PLXDC2: variants seen among roughly 807,000 people sequenced by gnomAD.
PLXDC2 encodes the protein plexin domain containing 2, also known as plexin domain-containing protein 2.
PLXDC2 carries 40 observed loss-of-function variants against 68.9 expected under a neutral mutation model. That is an observed-to-expected ratio of 0.58 (90% CI 0.45 to 0.76). The LOEUF (loss-of-function observed/expected upper bound fraction) is 0.76. PLXDC2 is among the 30% of genes least tolerant of loss of function. The pLI, the probability that PLXDC2 is intolerant of heterozygous loss-of-function variation, is 0.00. For missense variants in PLXDC2, 644 were observed against 661.9 expected (o/e 0.97, Z 0.30); for synonymous variants, 243 against 234.2 (o/e 1.04, Z -0.34).
intron 1 of PLXDC2, among the ~76,000 whole-genome samples, chr10:19,858,757 C>G (rs1837263698): frequency 6.6e-6 from 1 of 152,020 alleles, no homozygotes; most frequent in African/African-American, 2.4e-5. Context: ...TAAAAGGTTT[C>G]ATAATGGCAC....
chr10:20,238,662 A>AAAATATATATATATGTGTATATATATAT lies in PLXDC2; in HGVS notation c.1313-6682_1313-6681insAATATATATATATGTGTATATATATATA, dbSNP rs1175526348. 1.3e-4 allele frequency among the ~76,000 whole-genome samples: 4 copies of AAAATATATATATATGTGTATATATATAT among 31,724 alleles called. 1 individual carries two copies. The highest frequency in any genetic ancestry group is 1.2e-3 in the Admixed American group (4 of 3,362). The allele number at this position is 31,724 out of a possible 152,430, so 20.8% of individuals were successfully genotyped here. On this transcript the variant is annotated intron_variant, in intron 12 of 13. Transcript: ENST00000377252. ...CAGAGAAAGACTCCATCTCAAAAAA[A>AAAATATATATATATGTGTATATATATAT]ATATATATATATATGTATATATATA...
At chr10:20,201,592 C>T (rs911544785) in intron 9 of PLXDC2, among the ~76,000 whole-genome samples, 9 of 151,784 alleles carry the variant, frequency 5.9e-5, no homozygotes, top group Admixed American at 5.3e-4. Flanking sequence ...GTTAACAATA[C>T]TATATATTTT....
chr10:20,203,261 C>G (rs923400109), intron 9 of PLXDC2, among the ~76,000 whole-genome samples: 9 of 150,678 alleles, frequency 6.0e-5, no homozygotes, highest in African/African-American at 2.0e-4. Flanking sequence ...CCTTTTTTGC[C>G]TATTATTTGG....
chr10:19,957,217 T>C (rs1315566485), intron 1 of PLXDC2, among the ~76,000 whole-genome samples: 1 of 152,178 alleles, frequency 6.6e-6, no homozygotes, highest in Non-Finnish European at 1.5e-5. Context: ...AAATTAGTTT[T>C]TGAGCAGAGA....
At chr10:20,133,833 A>G (rs1452143945) in intron 4 of PLXDC2, among the ~76,000 whole-genome samples, 1 of 152,116 alleles carries the variant, frequency 6.6e-6, no homozygotes, top group Non-Finnish European at 1.5e-5. Flanking sequence ...GAACTCCCAT[A>G]ATGAATATAT....
intron 4 of PLXDC2, among the ~76,000 whole-genome samples, chr10:20,106,756 C>T (rs1833496539): frequency 6.6e-6 from 1 of 152,132 alleles, no homozygotes; most frequent in Admixed American, 6.5e-5. Flanking sequence ...GAACACTCAC[C>T]TAGCTGTCCT....
At chr10:20,188,128 A>T (rs116066524) in intron 9 of PLXDC2, among the ~76,000 whole-genome samples, 3,943 of 151,760 alleles carry the variant, frequency 0.026, 196 homozygotes, top group African/African-American at 0.088. Context: ...TATTAAATAT[A>T]TACTAAATAT....
At chr10:20,085,663 T>C (rs1386324494) in intron 4 of PLXDC2, among the ~76,000 whole-genome samples, 1 of 152,142 alleles carries the variant, frequency 6.6e-6, no homozygotes, top group Non-Finnish European at 1.5e-5. Context: ...CCAAAGCCCA[T>C]CTAAGTACCT....
chr10:20,092,125 A>G (rs1206039291), intron 4 of PLXDC2, among the ~76,000 whole-genome samples: 1 of 152,202 alleles, frequency 6.6e-6, no homozygotes, highest in African/African-American at 2.4e-5. Context: ...TTCTGTGGAG[A>G]AAAGAAGGAA....
chr10:20,074,167 G>A lies in PLXDC2; in HGVS notation c.541+5928G>A, dbSNP rs532045528. On this transcript the variant is annotated intron_variant, in intron 4 of 13. Transcript: ENST00000377252. The stretch of plus-strand genomic sequence containing the variant: ...ATGAATTTAAAAGCTAATAATGAAT[G>A]TGTATTACTTACCTTGATCATAGGA... 4.9e-4 allele frequency among the ~76,000 whole-genome samples: 74 copies of A among 152,214 alleles called. 1 individual carries two copies. The South Asian group carries it at 0.015, about 31-fold the overall frequency.
intron 4 of PLXDC2, among the ~76,000 whole-genome samples, chr10:20,080,073 C>T (rs1836524825): frequency 6.6e-6 from 1 of 152,086 alleles, no homozygotes; most frequent in South Asian, 2.1e-4. Context: ...ACTGTAACAA[C>T]TAAACAATGA....
intron 2 of PLXDC2, among the ~76,000 whole-genome samples, chr10:20,005,298 G>C (rs1459206542): frequency 6.6e-6 from 1 of 152,102 alleles, no homozygotes; most frequent in Non-Finnish European, 1.5e-5. Context: ...TTTGAATCCA[G>C]GGTTGCATAC....
At chr10:19,894,697 A>G (rs1221133278) in intron 1 of PLXDC2, among the ~76,000 whole-genome samples, 1 of 152,128 alleles carries the variant, frequency 6.6e-6, no homozygotes, top group African/African-American at 2.4e-5. Flanking sequence ...TATCACTGGT[A>G]ATTAGAGAAA....
At chr10:20,136,159 A>C (rs1391065625) in intron 4 of PLXDC2, among the ~76,000 whole-genome samples, 1 of 152,226 alleles carries the variant, frequency 6.6e-6, no homozygotes, top group East Asian at 1.9e-4. Context: ...TCTAGTTTGC[A>C]AATACAAGCC....
chr10:19,911,902 T>C lies in PLXDC2; in HGVS notation c.113-89873T>C, dbSNP rs529360790. Among the ~76,000 whole-genome samples, 4 of 152,354 alleles carry C rather than the reference T, an allele frequency of 2.6e-5. No homozygotes were observed. In the South Asian group the frequency reaches 8.3e-4, roughly 32 times the overall value. On this transcript the variant is annotated intron_variant, in intron 1 of 13. Coordinates refer to ENST00000377252, the MANE Select transcript of PLXDC2 (RefSeq NM_032812.9). ...ATCGATACATATTTAAGAGTGTATG[T>C]TCTATGTAAGCAAATTGTTTCTCTT...
chr10:20,141,511 A>G (rs1205005238), intron 4 of PLXDC2, among the ~76,000 whole-genome samples: 1 of 152,104 alleles, frequency 6.6e-6, no homozygotes, highest in Non-Finnish European at 1.5e-5. Context: ...AAGAAGAAAA[A>G]TAACCTACTT....
intron 13 of PLXDC2, among the ~76,000 whole-genome samples, chr10:20,255,195 A>AGAT (rs1207119107): frequency 1.0e-3 from 111 of 107,300 alleles, no homozygotes; most frequent in Admixed American, 2.3e-3. Flanking sequence ...GTGGATGGAT[A>AGAT]GATAGATAGA....
intron 13 of PLXDC2, among the ~76,000 whole-genome samples, chr10:20,247,187 T>A (rs1835608172): frequency 6.6e-6 from 1 of 150,894 alleles, no homozygotes; most frequent in African/African-American, 2.4e-5. Flanking sequence ...TGGTGAGGTA[T>A]GGTGACTCAC....
At chr10:20,220,840 T>A (rs189188143) in intron 12 of PLXDC2, among the ~76,000 whole-genome samples, 45 of 99,158 alleles carry the variant, frequency 4.5e-4, no homozygotes, top group South Asian at 3.2e-3. Context: ...TCTTAACACT[T>A]TTTTTTTTTT....
Sources: gnomAD v4.1 joint callset for allele counts (sites outside exome capture counted in the v4.1 genomes callset) on GRCh38, gnomAD v4.1.1 for gene constraint, MANE v1.5 for transcripts, NCBI Gene and HGNC (gene_info 2026-07-23, HGNC 2026-07-21) for gene names.